The following ANKS1A variants were observed in gnomAD, a reference collection of about 807,000 sequenced individuals.
ANKS1A encodes the protein ankyrin repeat and sterile alpha motif domain containing 1A, also known as ankyrin repeat and SAM domain-containing protein 1A.
In ANKS1A, 55 loss-of-function variants were observed where a neutral mutation model predicts 120.3. The observed-to-expected ratio is 0.46, with a 90% CI of 0.37 to 0.57. The LOEUF (loss-of-function observed/expected upper bound fraction) is 0.57. ANKS1A is among the 20% of genes least tolerant of loss of function. The pLI is 0.00. For synonymous variants in ANKS1A, 590 were observed against 604.7 expected, an observed-to-expected ratio of 0.98 and a Z score of 0.36; for missense variants, 1,123 against 1,480.3, an observed-to-expected ratio of 0.76 and a Z score of 3.96.
rs1777928446 is a variant in ANKS1A at position 35,085,695 on chromosome 6, CG to C, written c.3133-70del. 2.7e-6 allele frequency: 4 copies of C among 1,474,172 alleles called. No individual in the cohort carries two copies. The South Asian group carries it at 4.2e-5, about 15-fold the overall frequency. 91.3% of individuals were successfully genotyped at this position (1,474,172 alleles called of 1,614,324 possible). A position where few individuals can be genotyped will look rare whatever the true frequency, so the allele number is the denominator to read the frequency against. On this transcript the variant is annotated intron_variant, in intron 21 of 23. Transcript: ENST00000360359. This position sits in a 1 kb window ranked among gnomAD's most constrained non-coding sequence, Gnocchi z 4.7. Reference sequence around the variant, plus strand: ...CTTAGAGGGGGACACATGGTCCCTGCGAGGAAGGGCATATCCAGTGTGAAGC... The same window carrying C: ...CTTAGAGGGGGACACATGGTCCCTGCAGGAAGGGCATATCCAGTGTGAAGC...
In ANKS1A at chr6:35,088,749, G is replaced by A; in HGVS notation, c.*140G>A. 6.3e-7 allele frequency: 1 copy of A among 1,579,482 alleles called. No individual in the cohort carries two copies. The highest frequency in any genetic ancestry group is 8.6e-7 in the Non-Finnish European group (1 of 1,166,248). On this transcript the variant is annotated 3_prime_UTR_variant, in exon 24 of 24. Coordinates refer to ENST00000360359, the MANE Select transcript of ANKS1A (RefSeq NM_015245.3). Reference sequence around the variant, plus strand: ...CTGCAGGACCTCCTCTTGGCCACTTGGCCTGGGCCTGCCACCACCACGTCC... The same window carrying A: ...CTGCAGGACCTCCTCTTGGCCACTTAGCCTGGGCCTGCCACCACCACGTCC...
At chr6:35,034,363 A>C (rs1045425131) in intron 11 of ANKS1A, among the ~76,000 whole-genome samples, 1 of 152,224 alleles carries the variant, frequency 6.6e-6, no homozygotes, top group Non-Finnish European at 1.5e-5. Flanking sequence ...GGGATCAGCT[A>C]TCCCACAGTC....
chr6:35,073,187 G>T (rs1032583178), intron 13 of ANKS1A, among the ~76,000 whole-genome samples: 2 of 152,208 alleles, frequency 1.3e-5, no homozygotes, highest in African/African-American at 4.8e-5. Context: ...GCCCAGGACA[G>T]GCCACACGTC....
At chr6:35,063,378 C>T (rs1238504199) in intron 13 of ANKS1A, among the ~76,000 whole-genome samples, 3 of 152,240 alleles carry the variant, frequency 2.0e-5, no homozygotes, top group Non-Finnish European at 4.4e-5. Flanking sequence ...TAGCTCCGGG[C>T]GTGCTAGCGC....
chr6:34,936,322 T>G (rs1250212837), intron 1 of ANKS1A, among the ~76,000 whole-genome samples: 1 of 152,188 alleles, frequency 6.6e-6, no homozygotes, highest in Non-Finnish European at 1.5e-5. Context: ...CGCGAGATTC[T>G]GATTGTGCCT....
At chr6:34,956,781 A>C (rs1395373157) in intron 1 of ANKS1A, among the ~76,000 whole-genome samples, 1 of 152,016 alleles carries the variant, frequency 6.6e-6, no homozygotes, top group East Asian at 1.9e-4. Context: ...CCTACCTTCT[A>C]CTGTTCCTAA....
chr6:34,976,760 CTCTT>C (rs1473720540), intron 3 of ANKS1A, among the ~76,000 whole-genome samples: 5 of 123,856 alleles, frequency 4.0e-5, no homozygotes, highest in East Asian at 2.1e-4. Flanking sequence ...TTTGCTTTTT[CTCTT>C]TCTGTGTGTG....
At chr6:35,070,908 C>T in intron 13 of ANKS1A, 1 of 658,466 alleles carries the variant, frequency 1.5e-6, no homozygotes. Flanking sequence ...ACATCCTTGG[C>T]CTGAGACTCC....
chr6:34,946,681 A>G (rs957170215), intron 1 of ANKS1A, among the ~76,000 whole-genome samples: 1 of 152,090 alleles, frequency 6.6e-6, no homozygotes, highest in African/African-American at 2.4e-5. Context: ...GTTTTCGTTC[A>G]TGTTATAGTT....
At chr6:34,979,685 T>C (rs1017256641) in intron 3 of ANKS1A, among the ~76,000 whole-genome samples, 7 of 152,264 alleles carry the variant, frequency 4.6e-5, no homozygotes, top group African/African-American at 7.2e-5. Context: ...CAATTTATTC[T>C]GGTTGTTGGG....
At chr6:35,073,449 C>T (rs866342677) in intron 13 of ANKS1A, among the ~76,000 whole-genome samples, 1 of 152,146 alleles carries the variant, frequency 6.6e-6, no homozygotes, top group Non-Finnish European at 1.5e-5. Context: ...GAAGTCTGAG[C>T]GAGTCAGGAC....
chr6:34,930,772 G>C (rs1393774324), intron 1 of ANKS1A, among the ~76,000 whole-genome samples: 1 of 152,088 alleles, frequency 6.6e-6, no homozygotes, highest in Non-Finnish European at 1.5e-5. Flanking sequence ...CACAGCCACT[G>C]ATGTAGCTGA....
Position 35,082,552 on chromosome 6 carries a change from GC to G in ANKS1A, c.2710-134del, listed in dbSNP as rs1777740720. 3 of 1,100,626 alleles carry G rather than the reference GC, an allele frequency of 2.7e-6. No homozygotes were observed. Among genetic ancestry groups the G allele is most frequent in the Non-Finnish European group, 3.7e-6 (3 of 800,778 alleles). 68.2% of individuals were successfully genotyped at this position (1,100,626 alleles called of 1,614,324 possible). A position where few individuals can be genotyped will look rare whatever the true frequency, so the allele number is the denominator to read the frequency against. ...CGCAGTGTGTTTGAATTGCTGGTCTGCCCCCTGCCATCTCCACTCGACCCTT... is the reference window on the plus strand; with the variant it reads ...CGCAGTGTGTTTGAATTGCTGGTCTGCCCCTGCCATCTCCACTCGACCCTT... On this transcript the variant is annotated intron_variant, in intron 17 of 23. Transcript: ENST00000360359. This position sits in a 1 kb window ranked among gnomAD's most constrained non-coding sequence, Gnocchi z 4.1.
intron 13 of ANKS1A, among the ~76,000 whole-genome samples, chr6:35,074,286 T>G (rs1323288905): frequency 6.6e-6 from 1 of 152,222 alleles, no homozygotes; most frequent in Non-Finnish European, 1.5e-5. Context: ...CGCTTTGGTA[T>G]CCTCATAATC....
Position 34,889,497 on chromosome 6 carries a change from T to G in ANKS1A, c.95T>G (p.Phe32Cys). The change falls in exon 1 of 24, where the codon TTT becomes TGT. Residue 32 changes from phenylalanine to cysteine, a missense_variant. Transcript: ENST00000360359. The surrounding 1 kb of genome is among the most constrained non-coding windows in gnomAD (Gnocchi z 5.5). ...LLSGKRLSSG[F>C]GGGGGGGSGG... is the part of the protein sequence containing the mutation. ...TCCGGGAAGCGGCTCTCCTCAGGCT[T>G]TGGGGGCGGCGGCGGCGGTGGCTCT... 1 of 1,276,948 alleles carries G rather than the reference T, an allele frequency of 7.8e-7. No homozygotes were observed. Among genetic ancestry groups the G allele is most frequent in the Non-Finnish European group, 9.8e-7 (1 of 1,020,522 alleles). 79.1% of individuals were successfully genotyped at this position (1,276,948 alleles called of 1,614,324 possible). A position where few individuals can be genotyped will look rare whatever the true frequency, so the allele number is the denominator to read the frequency against.
rs1778194934 is a variant in ANKS1A at position 35,089,651 on chromosome 6, G to A, written c.*1042G>A. On this transcript the variant is annotated 3_prime_UTR_variant, in exon 24 of 24. Transcript: ENST00000360359. ...GTGGAAAAGGCTAAATAAGGTGACA[G>A]TGCATCGATGCTCCCCCGCGTGGCC... The A allele has an allele frequency of 4.0e-6, 4 of 989,000 alleles. No individual in the cohort carries two copies. Among genetic ancestry groups the A allele is most frequent in the Non-Finnish European group, 2.4e-6 (2 of 832,126 alleles). The allele number at this position is 989,000 out of a possible 1,614,324, so 61.3% of individuals were successfully genotyped here.
intron 9 of ANKS1A, among the ~76,000 whole-genome samples, chr6:34,991,122 A>G (rs1045163356): frequency 1.3e-5 from 2 of 152,178 alleles, no homozygotes; most frequent in Non-Finnish European, 2.9e-5. Flanking sequence ...GTCTTTGGCA[A>G]GCTATCTGCC....
intron 11 of ANKS1A, among the ~76,000 whole-genome samples, chr6:35,032,021 G>C (rs953498333): frequency 2.0e-5 from 3 of 152,222 alleles, no homozygotes; most frequent in Admixed American, 6.5e-5. Flanking sequence ...AGAGCCTACT[G>C]TGTGCTTAGG....
At chr6:35,068,972 C>T (rs1320257751) in intron 13 of ANKS1A, among the ~76,000 whole-genome samples, 3 of 152,160 alleles carry the variant, frequency 2.0e-5, no homozygotes, top group Non-Finnish European at 2.9e-5. Flanking sequence ...GGTGAACGTC[C>T]AATGCAAGAG....
Sources: gnomAD v4.1 joint callset for allele counts (sites outside exome capture counted in the v4.1 genomes callset) on GRCh38, gnomAD v4.1.1 for gene constraint, Gnocchi (gnomAD v3.1) non-coding constraint, MANE v1.5 for transcripts, NCBI Gene and HGNC (gene_info 2026-07-23, HGNC 2026-07-21) for gene names.